PRKDC: variants seen among roughly 807,000 people sequenced by gnomAD.
The protein encoded by PRKDC is DNA-dependent protein kinase catalytic subunit.
PRKDC carries 82 observed loss-of-function variants against 486.9 expected under a neutral mutation model. The ratio of observed to expected loss-of-function variants is 0.17; its 90% CI spans 0.14 to 0.20. The LOEUF (loss-of-function observed/expected upper bound fraction) is 0.20, where lower values mean the gene tolerates loss of function less well. PRKDC is among the 10% of genes least tolerant of loss of function. The probability of loss-of-function intolerance (pLI) is 1.00; values close to 1 mark genes in which losing one functional copy is unlikely to be tolerated. For missense variants in PRKDC, 4,504 were observed against 5,038.2 expected, an observed-to-expected ratio of 0.89 and a Z score of 3.21; for synonymous variants, 1,895 against 1,837.0, an observed-to-expected ratio of 1.03 and a Z score of -0.81.
chr8:47,801,163 C>G (rs1316103477), intron 70 of PRKDC, among the ~76,000 whole-genome samples, 177 bp from the exon 71 acceptor site: 1 of 152,176 alleles, frequency 6.6e-6, no homozygotes, highest in Non-Finnish European at 1.5e-5. Flanking sequence ...CCCCTGCCTA[C>G]CAGGCTCAAG....
intron 14 of PRKDC, among the ~76,000 whole-genome samples, chr8:47,934,766 A>C (rs2090319848): frequency 6.6e-6 from 1 of 152,196 alleles, no homozygotes; most frequent in South Asian, 2.1e-4. Flanking sequence ...GAGAGAAAAC[A>C]TTTCTGATTT....
chr8:47,933,615 C>CACAT (rs1224282785), intron 15 of PRKDC, among the ~76,000 whole-genome samples: 3 of 152,162 alleles, frequency 2.0e-5, no homozygotes, highest in Non-Finnish European at 1.5e-5. Flanking sequence ...TATAAACGTA[C>CACAT]ACATACATAC....
intron 84 of PRKDC, 98 bp from the exon 85 acceptor site, chr8:47,777,081 C>T: frequency 2.8e-6 from 4 of 1,421,164 alleles, no homozygotes; most frequent in Non-Finnish European, 3.8e-6. Flanking sequence ...AGTAAACAAA[C>T]ATCTATAACC....
intron 40 of PRKDC, among the ~76,000 whole-genome samples, chr8:47,865,685 A>G (rs2154500844): frequency 1.3e-5 from 2 of 152,264 alleles, no homozygotes; most frequent in Middle Eastern, 6.8e-3. Flanking sequence ...AAAGTAACTC[A>G]GTCATAAAAA....
chr8:47,849,593 C>T, intron 52 of PRKDC, 90 bp from the exon 53 acceptor site: 1 of 1,433,802 alleles, frequency 7.0e-7, no homozygotes, highest in Non-Finnish European at 9.4e-7. Flanking sequence ...TTTAAGTGAG[C>T]CCAACAAAGG....
intron 50 of PRKDC, among the ~76,000 whole-genome samples, chr8:47,854,837 G>C (rs1253438151): frequency 6.6e-6 from 1 of 152,054 alleles, no homozygotes; most frequent in African/African-American, 2.4e-5. Flanking sequence ...TATCGCCCTC[G>C]TATTTTAATT....
At chr8:47,849,086 G>C in intron 54 of PRKDC, 68 bp downstream of exon 54, 1 of 1,548,764 alleles carries the variant, frequency 6.5e-7, no homozygotes, top group Non-Finnish European at 8.7e-7. Flanking sequence ...TCTTGAGTTG[G>C]AGACGTCTTA....
At position 47,939,629 on chromosome 8, in the gene PRKDC, A is replaced by G; in HGVS notation, c.1035T>C (p.Phe345=). 1 of 1,613,430 alleles carries G rather than the reference A, an allele frequency of 6.2e-7. No individual in the cohort carries two copies. The highest frequency in any genetic ancestry group is 1.3e-5 in the African/African-American group (1 of 75,054). The change falls in exon 11 of 86, where the codon TTT becomes TTC. Residue 345 remains phenylalanine, a synonymous_variant. Transcript: ENST00000314191. The part of the protein sequence containing the change: ...KNKLQYFMEQ[F]YGIIRNVDSN... Reference sequence around the variant, plus strand: ...AATCCACATTTCTGATGATTCCATAAAACTGCTCCATAAAGTACTGCAGTT... The same window carrying G: ...AATCCACATTTCTGATGATTCCATAGAACTGCTCCATAAAGTACTGCAGTT...
intron 40 of PRKDC, 94 bp from the exon 41 acceptor site, chr8:47,864,857 A>T: frequency 9.4e-7 from 1 of 1,065,502 alleles, no homozygotes. Context: ...AACACCAGTG[A>T]TTACAAATTA....
In PRKDC at chr8:47,800,840, T is replaced by C; in HGVS notation, c.10069A>G (p.Arg3357Gly). The C allele has an allele frequency of 6.2e-7, 1 of 1,613,018 alleles. No individual in the cohort carries two copies. Among genetic ancestry groups the C allele is most frequent in the Non-Finnish European group, 8.5e-7 (1 of 1,179,508 alleles). Residue 3357 changes from arginine (R) to glycine (G), a missense_variant, in exon 71 of 86, where the codon AGA becomes GGA. Transcript: ENST00000314191. ...GATCCAGAAAGCTCTAAGATTCTTC[T>C]AGCCTTGTCCTCCTCGATTTCAGCA... The part of the protein sequence containing the change: ...CLAEIEEDKA[R>G]RILELSGSSS...
chr8:47,813,011 A>C (rs937594189), intron 68 of PRKDC, among the ~76,000 whole-genome samples: 12 of 152,016 alleles, frequency 7.9e-5, no homozygotes, highest in Admixed American at 5.9e-4. Context: ...AAAACAAATA[A>C]AGAAGGCAGA....
intron 55 of PRKDC, among the ~76,000 whole-genome samples, chr8:47,839,542 C>T (rs185441171): frequency 2.0e-5 from 3 of 152,230 alleles, no homozygotes; most frequent in African/African-American, 7.2e-5. Context: ...CAGAGTTCAT[C>T]TCCTTAGTCT....
At chr8:47,910,192 C>T (rs1408455662) in intron 25 of PRKDC, among the ~76,000 whole-genome samples, 2 of 151,964 alleles carry the variant, frequency 1.3e-5, no homozygotes, top group African/African-American at 4.8e-5. Context: ...GGGCTGGTTC[C>T]CCCAATATTC....
At chr8:47,927,374 G>C in intron 20 of PRKDC, 21 bp from the exon 21 acceptor site, 2 of 1,588,246 alleles carry the variant, frequency 1.3e-6, no homozygotes, top group Non-Finnish European at 1.7e-6. Flanking sequence ...ATACAAACAA[G>C]TTAAACTGAA....
chr8:47,849,078 T>A, intron 54 of PRKDC, 76 bp downstream of exon 54: 1 of 1,527,478 alleles, frequency 6.5e-7, no homozygotes, highest in East Asian at 2.3e-5. Flanking sequence ...CAGGTTCTTC[T>A]TGAGTTGGAG....
intron 31 of PRKDC, among the ~76,000 whole-genome samples, chr8:47,891,699 G>A (rs976355883): frequency 6.6e-5 from 10 of 152,086 alleles, no homozygotes; most frequent in East Asian, 3.9e-4. Flanking sequence ...CAGCCTGGGC[G>A]ACGGAGACTC....
At chr8:47,776,418 C>T (rs577948847) in intron 85 of PRKDC, among the ~76,000 whole-genome samples, 68 of 152,262 alleles carry the variant, frequency 4.5e-4, no homozygotes, top group African/African-American at 1.4e-3. Flanking sequence ...ACCTAAAAGC[C>T]AACCCAAATT....
chr8:47,832,767 G>A (rs778259525), intron 59 of PRKDC, among the ~76,000 whole-genome samples: 3 of 152,206 alleles, frequency 2.0e-5, no homozygotes, highest in Non-Finnish European at 4.4e-5. Flanking sequence ...CTCCAGAACT[G>A]GAAGGTGAGA....
intron 40 of PRKDC, among the ~76,000 whole-genome samples, chr8:47,870,311 C>T (rs2088921018): frequency 6.6e-6 from 1 of 152,182 alleles, no homozygotes; most frequent in Non-Finnish European, 1.5e-5. Context: ...GCTCATATTA[C>T]CGTTCCCCCA....
Sources: allele counts gnomAD v4.1 joint callset (sites outside exome capture counted in the v4.1 genomes callset), GRCh38; gene constraint gnomAD v4.1.1; transcripts MANE v1.5; gene names NCBI Gene and HGNC (gene_info 2026-07-23, HGNC 2026-07-21).